The following KCNH5 variants were observed in gnomAD, a reference collection of about 807,000 sequenced individuals.
KCNH5 encodes the protein potassium voltage-gated channel subfamily H member 5, also known as voltage-gated delayed rectifier potassium channel KCNH5.
In KCNH5, 46 loss-of-function variants were observed where a neutral mutation model predicts 96.1. The ratio of observed to expected loss-of-function variants is 0.48; its 90% confidence interval spans 0.38 to 0.61. The LOEUF (loss-of-function observed/expected upper bound fraction) is 0.61. Among genes scored for constraint, KCNH5 ranks in the 20% least tolerant of loss-of-function variants. The probability of loss-of-function intolerance (pLI) is 0.00; values close to 1 mark genes in which losing one functional copy is unlikely to be tolerated. For missense variants in KCNH5, 907 were observed against 1,225.8 expected (o/e 0.74, Z 3.88); for synonymous variants, 439 against 449.8 (o/e 0.98, Z 0.30).
intron 8 of KCNH5, among the ~76,000 whole-genome samples, chr14:62,826,266 G>A (rs12147370): frequency 0.028 from 4,285 of 152,004 alleles, 90 homozygotes; most frequent in South Asian, 0.059. Flanking sequence ...TAGCTTCATT[G>A]TGAATCATGT....
chr14:62,818,275 T>C (rs1304211602), intron 8 of KCNH5, among the ~76,000 whole-genome samples: 1 of 152,086 alleles, frequency 6.6e-6, no homozygotes, highest in Non-Finnish European at 1.5e-5. Context: ...ATGATAGATA[T>C]GTTAATTAGC....
At chr14:62,937,711 C>A (rs967863777) in intron 7 of KCNH5, among the ~76,000 whole-genome samples, 1 of 152,178 alleles carries the variant, frequency 6.6e-6, no homozygotes, top group African/African-American at 2.4e-5. Context: ...ATTTTAGGGG[C>A]AGCTGTTCAC....
At chr14:62,876,869 C>T (rs561248836) in intron 7 of KCNH5, among the ~76,000 whole-genome samples, 3 of 152,234 alleles carry the variant, frequency 2.0e-5, no homozygotes, top group Admixed American at 1.3e-4. Flanking sequence ...AGGATCTCCA[C>T]ATAAAACAAA....
intron 3 of KCNH5, among the ~76,000 whole-genome samples, chr14:63,002,710 A>T (rs1054604669): frequency 1.9e-4 from 29 of 152,194 alleles, no homozygotes; most frequent in Non-Finnish European, 2.1e-4. Context: ...TGAGATAACT[A>T]CCAGGCTCAA....
chr14:62,810,101 T>C (rs1442931906), intron 8 of KCNH5, among the ~76,000 whole-genome samples: 4 of 152,178 alleles, frequency 2.6e-5, no homozygotes, highest in Admixed American at 1.3e-4. Context: ...TTATACTCTT[T>C]GTGTAGGAAT....
chr14:62,874,137 A>T (rs1888320080), intron 7 of KCNH5, among the ~76,000 whole-genome samples: 1 of 152,242 alleles, frequency 6.6e-6, no homozygotes, highest in East Asian at 1.9e-4. Context: ...TTTGCGGGAC[A>T]CTTTGTATAT....
chr14:63,017,780 T>C (rs553191303), intron 1 of KCNH5, among the ~76,000 whole-genome samples: 1 of 151,746 alleles, frequency 6.6e-6, no homozygotes, highest in East Asian at 1.9e-4. Flanking sequence ...TTTAAAGCAA[T>C]AATATGCTTC....
chr14:63,013,326 ATTC>A, intron 2 of KCNH5, among the ~76,000 whole-genome samples: 1 of 152,212 alleles, frequency 6.6e-6, no homozygotes, highest in Non-Finnish European at 1.5e-5. Flanking sequence ...TACAAAAATG[ATTC>A]TTTTTTCTGA....
chr14:62,933,439 T>C (rs1459769483), intron 7 of KCNH5, among the ~76,000 whole-genome samples: 2 of 151,124 alleles, frequency 1.3e-5, no homozygotes, highest in Non-Finnish European at 3.0e-5. Flanking sequence ...AATGCATATA[T>C]ATGCACATAT....
chr14:62,840,828 G>C (rs1956017), intron 8 of KCNH5, among the ~76,000 whole-genome samples: 16,383 of 151,674 alleles, frequency 0.11, 1,109 homozygotes, highest in East Asian at 0.3. Context: ...GACCTCCCCA[G>C]GTGCTAGGAT....
intron 7 of KCNH5, among the ~76,000 whole-genome samples, chr14:62,932,707 A>C (rs570356555): frequency 2.1e-4 from 32 of 152,196 alleles, no homozygotes; most frequent in African/African-American, 7.0e-4. Flanking sequence ...ACTGGGAACT[A>C]AAAAAAGATT....
chr14:62,993,095 A>G (rs1890842498), intron 4 of KCNH5, among the ~76,000 whole-genome samples: 1 of 151,890 alleles, frequency 6.6e-6, no homozygotes, highest in Non-Finnish European at 1.5e-5. Flanking sequence ...ATATGTTCTT[A>G]TTGGCTTTGT....
intron 7 of KCNH5, among the ~76,000 whole-genome samples, chr14:62,878,366 G>GA (rs569196748): frequency 2.7e-5 from 4 of 150,908 alleles, no homozygotes; most frequent in Admixed American, 6.6e-5. Flanking sequence ...AATAAAAAAA[G>GA]AAAAAAAAGA....
chr14:63,003,174 C>T (rs1032294028), intron 3 of KCNH5, among the ~76,000 whole-genome samples: 6 of 152,008 alleles, frequency 3.9e-5, no homozygotes, highest in African/African-American at 1.4e-4. Context: ...AGTCTGGGCT[C>T]TCTTTAAAAC....
intron 7 of KCNH5, among the ~76,000 whole-genome samples, chr14:62,904,280 TA>T (rs1888985028): frequency 6.6e-6 from 1 of 152,226 alleles, no homozygotes; most frequent in African/African-American, 2.4e-5. Context: ...TTCGCTGGCA[TA>T]AACTTATTAT....
At chr14:62,912,463 A>G (rs567498992) in intron 7 of KCNH5, among the ~76,000 whole-genome samples, 9 of 151,254 alleles carry the variant, frequency 6.0e-5, no homozygotes, top group African/African-American at 2.2e-4. Flanking sequence ...ATGGAGTGCA[A>G]TGGCACAATC....
chr14:63,022,807 G>T (rs1891453255), intron 1 of KCNH5, among the ~76,000 whole-genome samples: 1 of 152,066 alleles, frequency 6.6e-6, no homozygotes, highest in Non-Finnish European at 1.5e-5. Context: ...TTCCCTGACT[G>T]CTGATGAGGT....
chr14:62,990,540 T>C (rs1304604942), intron 4 of KCNH5, among the ~76,000 whole-genome samples: 1 of 152,064 alleles, frequency 6.6e-6, no homozygotes, highest in Non-Finnish European at 1.5e-5. Context: ...AATAGGACTA[T>C]CATTGATTTG....
intron 7 of KCNH5, among the ~76,000 whole-genome samples, chr14:62,910,899 C>CCACACA (rs1555363113): frequency 0.036 from 5,091 of 140,258 alleles, 133 homozygotes; most frequent in African/African-American, 0.065. Context: ...TGTGCATACA[C>CCACACA]CACACACACA....
Sources: allele counts gnomAD v4.1 joint callset (sites outside exome capture counted in the v4.1 genomes callset), GRCh38; gene constraint gnomAD v4.1.1; transcripts MANE v1.5; gene names NCBI Gene and HGNC (gene_info 2026-07-23, HGNC 2026-07-21).